FMN2: variants seen among roughly 807,000 people sequenced by gnomAD.
FMN2 encodes the protein formin-2.
Under a neutral mutation model 142.3 loss-of-function variants are expected in FMN2, and 51 were observed. The ratio of observed to expected loss-of-function variants is 0.36; its 90% confidence interval spans 0.29 to 0.45. The LOEUF (loss-of-function observed/expected upper bound fraction) is 0.45. FMN2 is among the 20% of genes least tolerant of loss of function. The pLI is 1.00. For missense variants in FMN2, 1,936 were observed against 2,122.8 expected (o/e 0.91, Z 1.73); for synonymous variants, 882 against 869.8 (o/e 1.01, Z -0.25).
intron 6 of FMN2, among the ~76,000 whole-genome samples, chr1:240,226,753 C>T (rs1667315992): frequency 6.6e-6 from 1 of 151,812 alleles, no homozygotes; most frequent in Non-Finnish European, 1.5e-5. Flanking sequence ...GACAAAAGTC[C>T]GTGAACATCT....
At chr1:240,189,127 T>C (rs972775271) in intron 4 of FMN2, among the ~76,000 whole-genome samples, 1 of 151,788 alleles carries the variant, frequency 6.6e-6, no homozygotes, top group African/African-American at 2.4e-5. Flanking sequence ...TTGTGGGTTT[T>C]TTTTTCTTAC....
intron 2 of FMN2, among the ~76,000 whole-genome samples, chr1:240,136,580 T>C (rs1662949075): frequency 6.6e-6 from 1 of 152,096 alleles, no homozygotes; most frequent in Admixed American, 6.5e-5. Context: ...TGGCAAACAG[T>C]GTTGGGTGAC....
At chr1:240,392,386 C>T in intron 14 of FMN2, 125 bp from the exon 15 acceptor site, 2 of 591,830 alleles carry the variant, frequency 3.4e-6, no homozygotes, top group Admixed American at 3.4e-5. Context: ...TTGAAATAAG[C>T]TTCTGGTTGT....
At chr1:240,332,736 T>G (rs1671422359) in intron 11 of FMN2, among the ~76,000 whole-genome samples, 2 of 152,212 alleles carry the variant, frequency 1.3e-5, no homozygotes, top group Admixed American at 6.5e-5. Context: ...CTGAATTGGT[T>G]CTTTCTCTGT....
intron 7 of FMN2, chr1:240,285,365 C>T (rs924149749): frequency 6.7e-6 from 3 of 447,750 alleles, no homozygotes; most frequent in South Asian, 3.2e-5. Context: ...ATAGAGTGTG[C>T]TGTCTGTTAG....
intron 8 of FMN2, among the ~76,000 whole-genome samples, chr1:240,301,437 C>T (rs1393373485): frequency 6.6e-6 from 1 of 151,648 alleles, no homozygotes; most frequent in Non-Finnish European, 1.5e-5. Flanking sequence ...CTACATTTCC[C>T]CCATTTCTGA....
chr1:240,470,818 G>A (rs1479071060), intron 16 of FMN2, among the ~76,000 whole-genome samples: 1 of 132,812 alleles, frequency 7.5e-6, no homozygotes, highest in African/African-American at 3.1e-5. Flanking sequence ...TATTTTCCTT[G>A]TCATAGCTCC....
chr1:240,207,468 A>G lies in FMN2; in HGVS notation c.2656A>G (p.Met886Val), dbSNP rs146945154. 181 of 1,607,044 alleles carry G rather than the reference A, an allele frequency of 1.1e-4. No individual in the cohort carries two copies. The highest frequency in any genetic ancestry group is 1.3e-4 in the Non-Finnish European group (157 of 1,178,082). ...VPPPPPPLPG[M>V]TVPTLPSTAI... ...TCCCCCACCTCCCCCTCTCCCTGGC[A>G]TGACAGTGCCTACTCTGCCCAGTAC... The change falls in exon 5 of 18, where the codon ATG (methionine) becomes GTG (valine). Residue 886 changes from methionine to valine, a missense_variant. Physicochemically the swap from Met to Val is conservative, Grantham distance 21. Transcript: ENST00000319653.
chr1:240,144,994 A>G (rs1202250727), intron 2 of FMN2: 1 of 1,292,506 alleles, frequency 7.7e-7, no homozygotes, highest in Non-Finnish European at 1.1e-6. Flanking sequence ...TGGCCAAAAC[A>G]GAGATGATGT....
chr1:240,211,039 T>C, intron 5 of FMN2, 52 bp from the exon 6 acceptor site: 1 of 1,540,978 alleles, frequency 6.5e-7, no homozygotes, highest in Non-Finnish European at 8.8e-7. Context: ...ATGCTTGCTG[T>C]GATGTAAGTT....
intron 15 of FMN2, among the ~76,000 whole-genome samples, chr1:240,425,427 T>C (rs1674906009): frequency 6.6e-6 from 1 of 152,214 alleles, no homozygotes; most frequent in African/African-American, 2.4e-5. Context: ...ACACTTATGA[T>C]TCTGAAAGTC....
intron 1 of FMN2, among the ~76,000 whole-genome samples, chr1:240,119,759 C>T (rs190263816): frequency 1.7e-3 from 262 of 152,238 alleles, no homozygotes; most frequent in Non-Finnish European, 3.2e-3. Context: ...TCTGGAACTC[C>T]TTTGATAATT....
intron 14 of FMN2, among the ~76,000 whole-genome samples, chr1:240,379,671 G>A (rs975679919): frequency 6.6e-6 from 1 of 152,072 alleles, no homozygotes; most frequent in Non-Finnish European, 1.5e-5. Context: ...TATGAAAACA[G>A]TTTCATATAT....
intron 14 of FMN2, among the ~76,000 whole-genome samples, chr1:240,360,718 A>T (rs952682655): frequency 6.6e-6 from 1 of 152,192 alleles, no homozygotes; most frequent in African/African-American, 2.4e-5. Context: ...CTTGGAACCA[A>T]CCCAAATGTC....
intron 3 of FMN2, among the ~76,000 whole-genome samples, chr1:240,185,689 C>A (rs1258759372): frequency 6.6e-6 from 1 of 152,184 alleles, no homozygotes. Flanking sequence ...AGCTAGAAAG[C>A]ATTTTATGCA....
rs1030224769 is a variant in FMN2, at chr1:240,180,126, T to G, written c.1930+2058T>G. On this transcript the variant is annotated intron_variant, in intron 3 of 17. Coordinates refer to ENST00000319653, the MANE Select transcript of FMN2 (RefSeq NM_020066.5). Reference sequence around the variant, plus strand: ...GCAAAATGCTAGAGCAAGTGATTTTTAATGAAATAACTTGTCTCCTTTTTA... The same window carrying G: ...GCAAAATGCTAGAGCAAGTGATTTTGAATGAAATAACTTGTCTCCTTTTTA... 3.9e-5 allele frequency: 48 copies of G among 1,234,736 alleles called. No individual in the cohort carries two copies. In the African/African-American group the frequency reaches 5.5e-4, roughly 14 times the overall value. The allele number at this position is 1,234,736 out of a possible 1,614,324, so 76.5% of individuals were successfully genotyped here.
At chr1:240,167,805 G>A (rs1295950650) in intron 2 of FMN2, among the ~76,000 whole-genome samples, 22 of 152,032 alleles carry the variant, frequency 1.4e-4, no homozygotes, top group Admixed American at 1.4e-3. Context: ...GGCTGGGCAC[G>A]GTGGCTCACA....
intron 14 of FMN2, among the ~76,000 whole-genome samples, chr1:240,358,616 C>A (rs1446396066): frequency 6.6e-6 from 1 of 151,922 alleles, no homozygotes; most frequent in Non-Finnish European, 1.5e-5. Context: ...ATCTTCTTTA[C>A]AAGGTGGCAG....
At chr1:240,364,037 C>A (rs755660651) in intron 14 of FMN2, among the ~76,000 whole-genome samples, 17 of 152,208 alleles carry the variant, frequency 1.1e-4, no homozygotes, top group Non-Finnish European at 2.4e-4. Flanking sequence ...AATGCTATTT[C>A]TGCTGTGCTG....
Sources: allele counts gnomAD v4.1 joint callset (sites outside exome capture counted in the v4.1 genomes callset), GRCh38; gene constraint gnomAD v4.1.1; transcripts MANE v1.5; gene names NCBI Gene and HGNC (gene_info 2026-07-23, HGNC 2026-07-21).